IGSF11: variants seen among roughly 807,000 people sequenced by gnomAD.
IGSF11 encodes the protein CXADR like 1.
A neutral mutation model predicts 41.0 loss-of-function variants in IGSF11; 22 were observed. The observed-to-expected ratio is 0.54, with a 90% confidence interval of 0.38 to 0.77. The LOEUF (loss-of-function observed/expected upper bound fraction) is 0.77. IGSF11 is among the 30% of genes least tolerant of loss of function. IGSF11 has a pLI of 0.00. For missense variants in IGSF11, 444 were observed against 530.8 expected, an observed-to-expected ratio of 0.84 and a Z score of 1.61; for synonymous variants, 219 against 201.3, an observed-to-expected ratio of 1.09 and a Z score of -0.74.
chr3:118,929,658 A>G (rs1038967050), intron 2 of IGSF11, among the ~76,000 whole-genome samples: 1 of 152,154 alleles, frequency 6.6e-6, no homozygotes, highest in African/African-American at 2.4e-5. Context: ...CATTCTATTA[A>G]TAATTTATAT....
chr3:119,068,916 C>CT (rs66923529), intron 1 of IGSF11, among the ~76,000 whole-genome samples: 1,298 of 114,012 alleles, frequency 0.011, 17 homozygotes, highest in South Asian at 0.018. Context: ...TGGTTATTTT[C>CT]TTTTTTTTTT....
At chr3:118,973,358 C>T (rs1933676757) in intron 1 of IGSF11, among the ~76,000 whole-genome samples, 1 of 152,202 alleles carries the variant, frequency 6.6e-6, no homozygotes, top group Non-Finnish European at 1.5e-5. Context: ...TAGGATAAGT[C>T]CCCTCAAAAC....
At chr3:119,104,411 T>G (rs2076987814) in intron 1 of IGSF11, among the ~76,000 whole-genome samples, 1 of 152,208 alleles carries the variant, frequency 6.6e-6, no homozygotes, top group Non-Finnish European at 1.5e-5. Flanking sequence ...TCTCTTTGCC[T>G]GGAATAGGCT....
chr3:119,132,659 T>C (rs1201555166), intron 1 of IGSF11, among the ~76,000 whole-genome samples: 1 of 152,070 alleles, frequency 6.6e-6, no homozygotes, highest in African/African-American at 2.4e-5. Context: ...AGTAGACAGA[T>C]CAATGAGACA....
At chr3:119,133,263 A>T (rs1174548119) in intron 1 of IGSF11, among the ~76,000 whole-genome samples, 1 of 152,204 alleles carries the variant, frequency 6.6e-6, no homozygotes, top group Non-Finnish European at 1.5e-5. Context: ...CCTTCAAAAA[A>T]TCAATGAATC....
At chr3:118,916,732 G>T (rs923307646) in intron 4 of IGSF11, among the ~76,000 whole-genome samples, 23 of 151,908 alleles carry the variant, frequency 1.5e-4, no homozygotes, top group Non-Finnish European at 3.1e-4. Flanking sequence ...CCCAGGAATT[G>T]AACTCAGCTC....
At chr3:119,053,702 T>C (rs1439001273) in intron 1 of IGSF11, among the ~76,000 whole-genome samples, 2 of 152,154 alleles carry the variant, frequency 1.3e-5, no homozygotes, top group Admixed American at 6.5e-5. Flanking sequence ...AGGCCCTGCA[T>C]AGCCAAAGCA....
chr3:119,145,188 T>C (rs1324324904), intron 1 of IGSF11, among the ~76,000 whole-genome samples: 2 of 152,234 alleles, frequency 1.3e-5, no homozygotes. Context: ...TTAAGTCTCA[T>C]TTCTAATTGT....
At chr3:118,974,663 T>C (rs998769430) in intron 1 of IGSF11, among the ~76,000 whole-genome samples, 2 of 152,220 alleles carry the variant, frequency 1.3e-5, no homozygotes, top group Non-Finnish European at 2.9e-5. Context: ...CAGTTTTGTA[T>C]ATCCCTAATT....
intron 1 of IGSF11, among the ~76,000 whole-genome samples, chr3:119,048,734 T>C (rs1194971040): frequency 2.0e-5 from 3 of 152,024 alleles, no homozygotes; most frequent in Non-Finnish European, 4.4e-5. Context: ...TAAACATTGA[T>C]GCAAAAATCC....
At chr3:118,907,705 T>G (rs1315851850) in intron 4 of IGSF11, among the ~76,000 whole-genome samples, 1 of 152,194 alleles carries the variant, frequency 6.6e-6, no homozygotes, top group African/African-American at 2.4e-5. Flanking sequence ...TATTCCCTAC[T>G]TTTCAAAGAT....
At chr3:119,026,169 G>C (rs555495632) in intron 1 of IGSF11, among the ~76,000 whole-genome samples, 6 of 152,190 alleles carry the variant, frequency 3.9e-5, no homozygotes, top group African/African-American at 1.4e-4. Flanking sequence ...TTTTACCCTA[G>C]AATATGTTAC....
At chr3:119,144,649 A>G (rs931518733) in intron 1 of IGSF11, among the ~76,000 whole-genome samples, 1 of 152,250 alleles carries the variant, frequency 6.6e-6, no homozygotes, top group African/African-American at 2.4e-5. Context: ...CAAAAGCATC[A>G]GCTCAGAGGG....
At chr3:118,960,892 T>G (rs1233440235) in intron 1 of IGSF11, among the ~76,000 whole-genome samples, 1 of 152,198 alleles carries the variant, frequency 6.6e-6, no homozygotes, top group African/African-American at 2.4e-5. Context: ...CCCATCCTAG[T>G]GGGTAGTGGA....
intron 1 of IGSF11, among the ~76,000 whole-genome samples, chr3:118,967,530 C>T (rs1945766364): frequency 6.6e-6 from 1 of 152,108 alleles, no homozygotes; most frequent in African/African-American, 2.4e-5. Context: ...GCTATTCTCC[C>T]CTTATTGCTG....
rs1005274298 is a variant in IGSF11 at position 119,005,976 on chromosome 3, C to T, written c.52+28555G>A. ...TTCTTCTCGAGGAGTATCTTTGTGG[C>T]GTTCTCTGTATTTCCTGAATCTGAA... is the stretch of plus-strand genomic sequence containing the variant. On this transcript the variant is annotated intron_variant, in intron 1 of 6. Coordinates refer to ENST00000393775, the MANE Select transcript of IGSF11 (RefSeq NM_001015887.3). 3.8e-4 allele frequency among the ~76,000 whole-genome samples: 50 copies of T among 132,902 alleles called. 1 individual carries two copies. Among genetic ancestry groups the T allele is most frequent in the East Asian group, 1.1e-3 (5 of 4,720 alleles). 87.2% of individuals were successfully genotyped at this position (132,902 alleles called of 152,430 possible).
At chr3:119,012,539 A>G (rs1001539524) in intron 1 of IGSF11, among the ~76,000 whole-genome samples, 1 of 152,206 alleles carries the variant, frequency 6.6e-6, no homozygotes, top group African/African-American at 2.4e-5. Context: ...CAAGAAGTAG[A>G]AAATGGATAC....
chr3:119,074,652 G>A (rs911285641), intron 1 of IGSF11, among the ~76,000 whole-genome samples: 2 of 151,196 alleles, frequency 1.3e-5, no homozygotes, highest in Admixed American at 6.6e-5. Context: ...TCAGGGGATT[G>A]AGACTATCCT....
chr3:118,991,380 T>A (rs190330539), intron 1 of IGSF11, among the ~76,000 whole-genome samples: 1 of 152,194 alleles, frequency 6.6e-6, no homozygotes. Context: ...TCAGGGCACA[T>A]GATTTTACCA....
Sources: gnomAD v4.1 joint callset for allele counts (sites outside exome capture counted in the v4.1 genomes callset) on GRCh38, gnomAD v4.1.1 for gene constraint, MANE v1.5 for transcripts, NCBI Gene and HGNC (gene_info 2026-07-23, HGNC 2026-07-21) for gene names.